Variants in SEMA3A observed in about 807,000 individuals in gnomAD.
SEMA3A encodes the protein semaphorin-3A.
SEMA3A carries 29 observed loss-of-function variants against 97.9 expected under a neutral mutation model. That is an observed-to-expected ratio of 0.30 (90% CI 0.22 to 0.40). SEMA3A has a LOEUF of 0.40. Among genes scored for constraint, SEMA3A ranks in the 10% least tolerant of loss-of-function variants. The pLI is 1.00. For synonymous variants in SEMA3A, 321 were observed against 323.7 expected (o/e 0.99, Z 0.09); for missense variants, 763 against 951.3 (o/e 0.80, Z 2.60).
chr7:84,046,530 A>G, intron 5 of SEMA3A, 87 bp from the exon 6 acceptor site: 1 of 1,490,306 alleles, frequency 6.7e-7, no homozygotes, highest in Non-Finnish European at 9.3e-7. Context: ...TGCAAGTTTC[A>G]TGTTATGACC....
intron 1 of SEMA3A, among the ~76,000 whole-genome samples, chr7:84,424,165 C>G (rs1416062344): frequency 6.6e-6 from 1 of 151,290 alleles, no homozygotes; most frequent in Non-Finnish European, 1.5e-5. Context: ...GAAAAGATGT[C>G]AGTATATCAA....
chr7:84,208,309 G>A (rs1009146858), intron 3 of SEMA3A, among the ~76,000 whole-genome samples: 2 of 151,796 alleles, frequency 1.3e-5, no homozygotes, highest in African/African-American at 4.8e-5. Context: ...AAAATTAGCT[G>A]GGTGTGGTGG....
Position 84,240,109 on chromosome 7 carries a change from T to C in SEMA3A, c.-82-45441A>G, listed in dbSNP as rs112170707. Among the ~76,000 whole-genome samples the C allele has an allele frequency of 3.3e-5, 5 of 152,272 alleles. 1 individual carries two copies. Among genetic ancestry groups the C allele is most frequent in the African/African-American group, 1.2e-4 (5 of 41,560 alleles). On this transcript the variant is annotated intron_variant, in intron 3 of 3. Transcript: ENST00000424555. ...AGAAACAATACTGCTTGTAAATATTTTAAAACTAACAAACACCAAAACTAG... is the reference window on the plus strand; with the variant it reads ...AGAAACAATACTGCTTGTAAATATTCTAAAACTAACAAACACCAAAACTAG...
chr7:84,115,108 A>G (rs2115959718), intron 3 of SEMA3A, among the ~76,000 whole-genome samples: 1 of 152,236 alleles, frequency 6.6e-6, no homozygotes, highest in East Asian at 1.9e-4. Context: ...GATTTGAAAT[A>G]ATACTGACTC....
At chr7:84,268,334 T>C (rs953854481) in intron 3 of SEMA3A, among the ~76,000 whole-genome samples, 6 of 151,268 alleles carry the variant, frequency 4.0e-5, no homozygotes, top group African/African-American at 9.7e-5. Context: ...TTTTCTGCTT[T>C]TCCCTTTGGA....
At chr7:84,196,960 C>T (rs1416524223), upstream of SEMA3A, among the ~76,000 whole-genome samples, 1 of 152,008 alleles carries the variant, frequency 6.6e-6, no homozygotes, top group Admixed American at 6.6e-5. Context: ...GTATCCATTT[C>T]ACCTGTGTAA....
chr7:84,171,348 A>G (rs890931805), intron 1 of SEMA3A, among the ~76,000 whole-genome samples: 3 of 152,110 alleles, frequency 2.0e-5, no homozygotes, highest in African/African-American at 7.2e-5. Context: ...TGGAGAGTGG[A>G]GAAAGATTTG....
chr7:84,460,444 T>A (rs1370079282), intron 1 of SEMA3A, among the ~76,000 whole-genome samples: 1 of 152,080 alleles, frequency 6.6e-6, no homozygotes, highest in Non-Finnish European at 1.5e-5. Context: ...ATATTAATAA[T>A]CATTTTAGAT....
chr7:84,283,769 G>T (rs1332529257), intron 3 of SEMA3A, among the ~76,000 whole-genome samples: 1 of 152,098 alleles, frequency 6.6e-6, no homozygotes, highest in African/African-American at 2.4e-5. Flanking sequence ...CTGATTCACT[G>T]ATCTTAGTTT....
At chr7:84,098,076 T>G (rs55740798) in intron 4 of SEMA3A, among the ~76,000 whole-genome samples, 62,599 of 151,722 alleles carry the variant, frequency 0.41, 14,777 homozygotes, top group Non-Finnish European at 0.52. Flanking sequence ...CATCTTCTGA[T>G]ATTTAATAAT....
chr7:84,172,030 C>T (rs1010454424), intron 1 of SEMA3A, among the ~76,000 whole-genome samples: 1 of 152,136 alleles, frequency 6.6e-6, no homozygotes, highest in African/African-American at 2.4e-5. Context: ...TCAAATCCCA[C>T]ATTCTTTTTA....
intron 2 of SEMA3A, among the ~76,000 whole-genome samples, chr7:84,370,663 T>A (rs1231472377): frequency 6.6e-6 from 1 of 151,730 alleles, no homozygotes; most frequent in East Asian, 1.9e-4. Context: ...TTAATACACA[T>A]TATTTTGTTT....
Position 84,227,606 on chromosome 7 carries a change from A to G in SEMA3A, c.-82-32938T>C, listed in dbSNP as rs1382506717. On this transcript the variant is annotated intron_variant, in intron 3 of 3. Transcript: ENST00000424555. ...TTCTACAGCCATGAGTGTTTTCCCA[A>G]TAATTATGAGTAGGCATCCTTACAG... 2.6e-5 allele frequency among the ~76,000 whole-genome samples: 4 copies of G among 152,188 alleles called. No homozygotes were observed. The South Asian group carries it at 6.2e-4, about 24-fold the overall frequency.
chr7:84,385,965 C>A (rs1803385225), intron 1 of SEMA3A, among the ~76,000 whole-genome samples: 1 of 152,222 alleles, frequency 6.6e-6, no homozygotes, highest in Non-Finnish European at 1.5e-5. Flanking sequence ...AGCTCACATA[C>A]ATGAACATTC....
At chr7:84,033,304 T>C (rs1393604142) in intron 6 of SEMA3A, among the ~76,000 whole-genome samples, 1 of 152,188 alleles carries the variant, frequency 6.6e-6, no homozygotes, top group Non-Finnish European at 1.5e-5. Flanking sequence ...GAGCATTTTT[T>C]TCTAAAAAGA....
At chr7:84,004,059 A>G (rs1400965066) in intron 11 of SEMA3A, among the ~76,000 whole-genome samples, 3 of 151,604 alleles carry the variant, frequency 2.0e-5, no homozygotes, top group Non-Finnish European at 2.9e-5. Flanking sequence ...AGTTAATGCA[A>G]TTTTTTTTCT....
intron 1 of SEMA3A, among the ~76,000 whole-genome samples, chr7:84,145,596 CA>C (rs1055494539): frequency 2.0e-5 from 3 of 152,078 alleles, no homozygotes; most frequent in Non-Finnish European, 2.9e-5. Context: ...AACTGGCTAT[CA>C]AATAACAATT....
intron 15 of SEMA3A, among the ~76,000 whole-genome samples, chr7:83,968,042 C>T (rs1331567687): frequency 1.3e-5 from 2 of 152,048 alleles, no homozygotes; most frequent in African/African-American, 2.4e-5. Flanking sequence ...AGCAAACAGC[C>T]GTACATATAA....
At chr7:84,477,540 G>T (rs1379467582) in intron 1 of SEMA3A, among the ~76,000 whole-genome samples, 1 of 149,758 alleles carries the variant, frequency 6.7e-6, no homozygotes, top group African/African-American at 2.5e-5. Context: ...TATTGGAGAA[G>T]ACATTCTGAA....
Sources: gnomAD v4.1 joint callset for allele counts (sites outside exome capture counted in the v4.1 genomes callset) on GRCh38, gnomAD v4.1.1 for gene constraint, MANE v1.5 for transcripts, NCBI Gene and HGNC (gene_info 2026-07-23, HGNC 2026-07-21) for gene names.